The following DGKB variants were observed in gnomAD, a reference collection of about 807,000 sequenced individuals.
DGKB encodes the protein diacylglycerol kinase beta.
DGKB carries 67 observed loss-of-function variants against 114.3 expected under a neutral mutation model. The ratio of observed to expected loss-of-function variants is 0.59; its 90% CI spans 0.48 to 0.72. The LOEUF is 0.72. Ranked by LOEUF, DGKB falls within the 30% of genes least tolerant of loss-of-function variation. The probability of loss-of-function intolerance (pLI) is 0.00; values close to 1 mark genes in which losing one functional copy is unlikely to be tolerated. For missense variants in DGKB, 907 were observed against 975.2 expected (o/e 0.93, Z 0.93); for synonymous variants, 398 against 323.1 (o/e 1.23, Z -2.49).
intron 1 of DGKB, among the ~76,000 whole-genome samples, chr7:14,848,698 G>C (rs1045233309): frequency 6.6e-6 from 1 of 152,110 alleles, no homozygotes; most frequent in Non-Finnish European, 1.5e-5. Flanking sequence ...GTCAACTTAG[G>C]TTTTGAACTG....
At chr7:14,178,659 C>A (rs1782170505) in intron 23 of DGKB, among the ~76,000 whole-genome samples, 1 of 152,112 alleles carries the variant, frequency 6.6e-6, no homozygotes, top group Non-Finnish European at 1.5e-5. Flanking sequence ...GTCCCTAAAT[C>A]TTTGAGTAAC....
intron 2 of DGKB, among the ~76,000 whole-genome samples, chr7:14,760,625 G>C (rs1835546551): frequency 6.6e-6 from 1 of 151,902 alleles, no homozygotes; most frequent in South Asian, 2.1e-4. Context: ...CACATACACA[G>C]ATGCATACAT....
In DGKB at chr7:14,779,096, C is replaced by T. The variant is rs150349798; in HGVS notation, c.71-21365G>A. ...GCTTGAACATGGGAGGGAGAGGTTG[C>T]AGTGAGCCAAGATCGTGCCACTGCT... On this transcript the variant is annotated intron_variant, in intron 2 of 25. Transcript: ENST00000402815. Among the ~76,000 whole-genome samples, 1,256 of 152,170 alleles carry T rather than the reference C, an allele frequency of 8.3e-3. 13 individuals carry two copies. The highest frequency in any genetic ancestry group is 0.028 in the African/African-American group (1,158 of 41,518).
At chr7:14,174,002 A>G (rs1472612500) in intron 25 of DGKB, among the ~76,000 whole-genome samples, 1 of 152,228 alleles carries the variant, frequency 6.6e-6, no homozygotes, top group Non-Finnish European at 1.5e-5. Flanking sequence ...AAAGTAGTTA[A>G]AAGTGCTTGT....
At chr7:14,323,513 A>C (rs1299516847) in intron 23 of DGKB, among the ~76,000 whole-genome samples, 1 of 152,212 alleles carries the variant, frequency 6.6e-6, no homozygotes, top group Non-Finnish European at 1.5e-5. Context: ...ACAGGGAATC[A>C]GAGAAAGCTT....
rs754293225 is a variant in DGKB, at chr7:14,580,960, TA to T, written c.1520-10del. The T allele has an allele frequency of 1.3e-3, 2,020 of 1,519,176 alleles. No homozygotes were observed. Among genetic ancestry groups the T allele is most frequent in the South Asian group, 2.2e-3 (177 of 79,896 alleles). 94.1% of individuals were successfully genotyped at this position (1,519,176 alleles called of 1,614,324 possible). Reference sequence around the variant, plus strand: ...GCCTACATTGGCCTTTTCTGCAGAATAAAAAAAAATACAAATAAAGAAAATT... The same window carrying T: ...GCCTACATTGGCCTTTTCTGCAGAATAAAAAAAATACAAATAAAGAAAATT... On this transcript the variant is annotated splice_polypyrimidine_tract_variant and intron_variant, in intron 18 of 25. Transcript: ENST00000402815.
intron 20 of DGKB, among the ~76,000 whole-genome samples, chr7:14,491,098 T>C (rs868306150): frequency 7.0e-4 from 107 of 152,190 alleles, no homozygotes; most frequent in African/African-American, 2.5e-3. Context: ...CCATGACTCA[T>C]GGTGCTACTT....
chr7:14,209,024 C>T lies in DGKB; in HGVS notation c.2123-30873G>A, dbSNP rs116356346. The T allele has an allele frequency of 3.5e-3, 553 of 156,574 alleles. 1 individual carries two copies. Among genetic ancestry groups the T allele is most frequent in the Middle Eastern group, 0.013 (4 of 300 alleles). 9.7% of individuals were successfully genotyped at this position (156,574 alleles called of 1,614,324 possible). On this transcript the variant is annotated intron_variant, in intron 23 of 25. Transcript: ENST00000402815. ...ACTTACTAAATTACTGGAGTAATAT[C>T]GACATACTTGCATACATCGTTTCTC...
intron 23 of DGKB, among the ~76,000 whole-genome samples, chr7:14,252,535 A>G (rs2128393828): frequency 6.6e-6 from 1 of 152,270 alleles, no homozygotes; most frequent in Non-Finnish European, 1.5e-5. Flanking sequence ...GGATGTTAGA[A>G]TACTCCAACA....
chr7:14,301,733 AATAAG>A (rs1397249867), intron 23 of DGKB, among the ~76,000 whole-genome samples: 1 of 152,102 alleles, frequency 6.6e-6, no homozygotes, highest in Non-Finnish European at 1.5e-5. Flanking sequence ...TTAGAAGACT[AATAAG>A]AGAGTAAAAA....
chr7:14,603,417 T>G (rs1383831179), intron 17 of DGKB, among the ~76,000 whole-genome samples: 1 of 152,150 alleles, frequency 6.6e-6, no homozygotes, highest in Non-Finnish European at 1.5e-5. Flanking sequence ...TGTCATAATT[T>G]CATAACAAGA....
chr7:14,428,168 C>A (rs1583865015), intron 21 of DGKB, among the ~76,000 whole-genome samples: 1 of 151,920 alleles, frequency 6.6e-6, no homozygotes, highest in East Asian at 1.9e-4. Flanking sequence ...ATAACTTTTT[C>A]TGTGATATAT....
Position 14,564,631 on chromosome 7 carries a change from C to T in DGKB, c.1770+9581G>A, listed in dbSNP as rs565505469. On this transcript the variant is annotated intron_variant, in intron 20 of 25. Coordinates refer to ENST00000402815, the MANE Select transcript of DGKB (RefSeq NM_001350709.2). ...ATTTAAAAATTCCTCTTGAAAATTT[C>T]TTATCTCTGTTACTATATAGTCTTT... 3.6e-3 allele frequency among the ~76,000 whole-genome samples: 541 copies of T among 152,212 alleles called. 1 individual carries two copies. The highest frequency in any genetic ancestry group is 5.5e-3 in the Non-Finnish European group (374 of 68,006).
intron 1 of DGKB, among the ~76,000 whole-genome samples, chr7:14,966,446 GTA>G (rs141065134): frequency 4.2e-4 from 63 of 148,698 alleles, no homozygotes; most frequent in East Asian, 5.9e-4. Flanking sequence ...ATATTTGTGT[GTA>G]TATATATATA....
intron 20 of DGKB, among the ~76,000 whole-genome samples, chr7:14,494,447 C>T (rs1285813982): frequency 1.3e-5 from 2 of 151,868 alleles, no homozygotes; most frequent in Non-Finnish European, 2.9e-5. Flanking sequence ...TGACCCTACC[C>T]ACCAAAAGAA....
intron 23 of DGKB, among the ~76,000 whole-genome samples, chr7:14,226,581 C>T (rs1236009577): frequency 1.3e-5 from 2 of 151,706 alleles, no homozygotes; most frequent in African/African-American, 4.8e-5. Flanking sequence ...GACTATTTTC[C>T]TTGAGGATTA....
Position 14,613,576 on chromosome 7 carries a change from C to A in DGKB, c.1285-163G>T, listed in dbSNP as rs113766883. 6.0e-5 allele frequency among the ~76,000 whole-genome samples: 5 copies of A among 82,646 alleles called. No individual in the cohort carries two copies. In the East Asian group the frequency reaches 8.9e-3, roughly 147 times the overall value. 54.2% of individuals were successfully genotyped at this position (82,646 alleles called of 152,430 possible). On this transcript the variant is annotated intron_variant, in intron 15 of 25. Transcript: ENST00000402815. ...GTGTGTGAGTGTGTGCGTGTGTGTG[C>A]GTGTGTATGTGTGTGTGGTGTGTTC... is the stretch of plus-strand genomic sequence containing the variant.
chr7:14,646,854 G>A (rs4721355), intron 13 of DGKB, among the ~76,000 whole-genome samples: 87,726 of 151,322 alleles, frequency 0.58, 26,397 homozygotes, highest in Admixed American at 0.7. Flanking sequence ...TTACACCAAT[G>A]AACACCTATA....
chr7:14,919,969 T>C (rs1339933316), intron 1 of DGKB, among the ~76,000 whole-genome samples: 1 of 152,180 alleles, frequency 6.6e-6, no homozygotes, highest in Non-Finnish European at 1.5e-5. Flanking sequence ...CTGCAAACCA[T>C]GAGCCAAAAT....
Sources: gnomAD v4.1 joint callset for allele counts (sites outside exome capture counted in the v4.1 genomes callset) on GRCh38, gnomAD v4.1.1 for gene constraint, MANE v1.5 for transcripts, NCBI Gene and HGNC (gene_info 2026-07-23, HGNC 2026-07-21) for gene names.